Variants in ADAMTS18 observed in about 807,000 individuals in gnomAD.
ADAMTS18 encodes A disintegrin and metalloproteinase with thrombospondin motifs 18.
A neutral mutation model predicts 165.9 loss-of-function variants in ADAMTS18; 157 were observed. That is an observed-to-expected ratio of 0.95 (90% CI 0.83 to 1.08). The LOEUF (loss-of-function observed/expected upper bound fraction) is 1.08. ADAMTS18 is among the 50% of genes least tolerant of loss of function. ADAMTS18 has a pLI of 0.00. For missense variants in ADAMTS18, 2,040 were observed against 1,534.0 expected, an observed-to-expected ratio of 1.33 and a Z score of -5.51; for synonymous variants, 782 against 578.2, an observed-to-expected ratio of 1.35 and a Z score of -5.06.
rs753790220 is a variant in ADAMTS18 at position 77,341,687 on chromosome 16, A to G, written c.1710+17T>C. 1.7e-5 allele frequency: 28 copies of G among 1,603,488 alleles called. 1 individual carries two copies. Among genetic ancestry groups the G allele is most frequent in the Admixed American group, 6.7e-5 (4 of 59,772 alleles). On this transcript the variant is annotated intron_variant, in intron 11 of 22. Transcript: ENST00000282849. ...ATCAAATTTCTGGAGCTAAAAACTA[A>G]CAAGTATGCAGTTTACCATACTCAA... is the stretch of plus-strand genomic sequence containing the variant.
chr16:77,345,885 C>T (rs1397074985), intron 10 of ADAMTS18, among the ~76,000 whole-genome samples: 1 of 152,142 alleles, frequency 6.6e-6, no homozygotes, highest in Non-Finnish European at 1.5e-5. Context: ...CTTGTCAATT[C>T]ATCACGAGAA....
Position 77,431,232 on chromosome 16 carries a change from C to T in ADAMTS18, c.495+63G>A, listed in dbSNP as rs540515641. Reference sequence around the variant, plus strand: ...GGAAGAGCATTTATATTGCAGACATCTGTTCATTCAAGTTACACAAAACAC... The same window carrying T: ...GGAAGAGCATTTATATTGCAGACATTTGTTCATTCAAGTTACACAAAACAC... On this transcript the variant is annotated intron_variant, in intron 3 of 22. Coordinates refer to ENST00000282849, the MANE Select transcript of ADAMTS18 (RefSeq NM_199355.4). 6.4e-4 allele frequency: 995 copies of T among 1,564,320 alleles called. 4 individuals are homozygous for T. The highest frequency in any genetic ancestry group is 4.1e-3 in the South Asian group (372 of 89,848).
Position 77,293,212 on chromosome 16 carries a change from C to G in ADAMTS18, c.3053G>C (p.Cys1018Ser). ...GAGGGTTTCTGCGGCAGAGCCCTTG[C>G]AGAGGAGTTCACGCTTCCTCACCCC... The part of the protein sequence containing the change: ...GRGVRKRELL[C>S]KGSAAETLPE... Residue 1018 changes from cysteine (C) to serine (S), a missense_variant, in exon 20 of 23, where the codon TGC becomes TCC. Transcript: ENST00000282849. 1 of 1,613,944 alleles carries G rather than the reference C, an allele frequency of 6.2e-7. No homozygotes were observed. The highest frequency in any genetic ancestry group is 8.5e-7 in the Non-Finnish European group (1 of 1,179,984).
At chr16:77,302,440 A>G (rs183565834) in intron 16 of ADAMTS18, among the ~76,000 whole-genome samples, 50 of 152,324 alleles carry the variant, frequency 3.3e-4, no homozygotes, top group Non-Finnish European at 8.8e-5. Flanking sequence ...TGCAATGCAT[A>G]AGAGTTACAG....
chr16:77,288,503 G>T lies in ADAMTS18; in HGVS notation c.3550+761C>A, dbSNP rs181635823. Among the ~76,000 whole-genome samples, 16 of 152,142 alleles carry T rather than the reference G, an allele frequency of 1.1e-4. No individual in the cohort carries two copies. The East Asian group carries it at 2.7e-3, about 26-fold the overall frequency. ...AGATTACTTCAAATAGTGAAGAATGGTACAGTTTACTCAGACTTTCCATTT... is the reference window on the plus strand; with the variant it reads ...AGATTACTTCAAATAGTGAAGAATGTTACAGTTTACTCAGACTTTCCATTT... On this transcript the variant is annotated intron_variant, in intron 22 of 22. Transcript: ENST00000282849.
chr16:77,411,419 A>G (rs1273969193), intron 3 of ADAMTS18, among the ~76,000 whole-genome samples: 2 of 152,206 alleles, frequency 1.3e-5, no homozygotes, highest in Non-Finnish European at 2.9e-5. Context: ...CGCTTGAGAC[A>G]TATTTCATGA....
At chr16:77,350,324 A>C (rs190901716) in intron 10 of ADAMTS18, among the ~76,000 whole-genome samples, 2 of 152,296 alleles carry the variant, frequency 1.3e-5, no homozygotes, top group African/African-American at 4.8e-5. Flanking sequence ...TGAGTGATCC[A>C]AAAGAGCCAG....
At chr16:77,401,662 G>C (rs1183261458) in intron 3 of ADAMTS18, among the ~76,000 whole-genome samples, 1 of 152,192 alleles carries the variant, frequency 6.6e-6, no homozygotes, top group African/African-American at 2.4e-5. Flanking sequence ...ATTTCTGGGT[G>C]TGTCTATGAG....
intron 16 of ADAMTS18, among the ~76,000 whole-genome samples, chr16:77,309,540 G>A (rs74392888): frequency 0.24 from 35,736 of 151,902 alleles, 4,856 homozygotes; most frequent in East Asian, 0.62. Flanking sequence ...TTTAAAATTG[G>A]ACTGGCATGT....
intron 3 of ADAMTS18, among the ~76,000 whole-genome samples, chr16:77,378,350 C>CA (rs142010133): frequency 4.7e-4 from 50 of 105,612 alleles, no homozygotes; most frequent in South Asian, 1.8e-3. Flanking sequence ...CAAAAAAAAA[C>CA]AAAAAAAAAA....
intron 3 of ADAMTS18, among the ~76,000 whole-genome samples, chr16:77,406,418 C>T (rs936455274): frequency 1.3e-5 from 2 of 151,982 alleles, no homozygotes; most frequent in African/African-American, 4.8e-5. Flanking sequence ...TCCAAGATCA[C>T]GATTGAAACA....
At chr16:77,346,590 T>C (rs567906242) in intron 10 of ADAMTS18, among the ~76,000 whole-genome samples, 56 of 152,314 alleles carry the variant, frequency 3.7e-4, no homozygotes, top group African/African-American at 1.3e-3. Context: ...AAAGTATGAC[T>C]ATCTCCTCAA....
intron 14 of ADAMTS18, among the ~76,000 whole-genome samples, chr16:77,321,881 C>T (rs1198054124): frequency 1.3e-5 from 2 of 151,834 alleles, no homozygotes; most frequent in African/African-American, 2.4e-5. Flanking sequence ...CTCGGCCAGG[C>T]GTGGTGGCTC....
Position 77,332,451 on chromosome 16 carries a change from T to A in ADAMTS18, c.1859+3305A>T, listed in dbSNP as rs528196815. ...TGAATGCCCACTGAATGTTCCCCAGTCTGTCAGGCATTCTAAAGATGCAAT... is the reference window on the plus strand; with the variant it reads ...TGAATGCCCACTGAATGTTCCCCAGACTGTCAGGCATTCTAAAGATGCAAT... On this transcript the variant is annotated intron_variant, in intron 12 of 22. Coordinates refer to ENST00000282849, the MANE Select transcript of ADAMTS18 (RefSeq NM_199355.4). 3.5e-4 allele frequency among the ~76,000 whole-genome samples: 53 copies of A among 152,224 alleles called. 2 individuals carry two copies. The South Asian group carries it at 0.011, about 31-fold the overall frequency.
intron 3 of ADAMTS18, among the ~76,000 whole-genome samples, chr16:77,388,236 A>C (rs1567533354): frequency 6.6e-6 from 1 of 152,082 alleles, no homozygotes; most frequent in East Asian, 1.9e-4. Flanking sequence ...AGTCGCTGAG[A>C]TTATAGGTCC....
intron 7 of ADAMTS18, among the ~76,000 whole-genome samples, chr16:77,361,558 T>C (rs1453109830): frequency 6.6e-6 from 1 of 152,114 alleles, no homozygotes; most frequent in Non-Finnish European, 1.5e-5. Context: ...ATAATGTATC[T>C]CACACCTCAA....
chr16:77,313,731 T>C (rs971816238), intron 16 of ADAMTS18, among the ~76,000 whole-genome samples: 1 of 152,198 alleles, frequency 6.6e-6, no homozygotes, highest in Admixed American at 6.5e-5. Context: ...ACTTGGTTTG[T>C]GTACATTTGC....
rs1260283632 is a variant in ADAMTS18, at chr16:77,434,855, C to T, written c.-160G>A. Reference sequence around the variant, plus strand: ...TCGCAGCGGGGGCGCGCTGGGACCTCCCCTCCTCCGGCCGCCTGCGCGCCC... The same window carrying T: ...TCGCAGCGGGGGCGCGCTGGGACCTTCCCTCCTCCGGCCGCCTGCGCGCCC... On this transcript the variant is annotated 5_prime_UTR_variant, in exon 1 of 23. Coordinates refer to ENST00000282849, the MANE Select transcript of ADAMTS18 (RefSeq NM_199355.4). The T allele has an allele frequency of 1.5e-5, 8 of 533,750 alleles. No individual in the cohort carries two copies. Among genetic ancestry groups the T allele is most frequent in the Admixed American group, 9.2e-5 (2 of 21,746 alleles). The allele number at this position is 533,750 out of a possible 1,614,324, so 33.1% of individuals were successfully genotyped here.
In ADAMTS18 at chr16:77,293,216, G is replaced by C. The variant is rs771451726; in HGVS notation, c.3049C>G (p.Leu1017Val). The change falls in exon 20 of 23, where the codon CTC becomes GTC. Residue 1017 changes from leucine (L) to valine (V), a missense_variant. By Grantham distance (32) the Leu-to-Val change is conservative (BLOSUM62 1). Coordinates refer to ENST00000282849, the MANE Select transcript of ADAMTS18 (RefSeq NM_199355.4). ...CGRGVRKREL[L>V]CKGSAAETLP... ...GTTTCTGCGGCAGAGCCCTTGCAGA[G>C]GAGTTCACGCTTCCTCACCCCTCGT... 2.5e-6 allele frequency: 4 copies of C among 1,613,926 alleles called. No homozygotes were observed. The highest frequency in any genetic ancestry group is 2.5e-6 in the Non-Finnish European group (3 of 1,180,000).
Sources: allele counts gnomAD v4.1 joint callset (sites outside exome capture counted in the v4.1 genomes callset), GRCh38; gene constraint gnomAD v4.1.1; transcripts MANE v1.5; gene names NCBI Gene and HGNC (gene_info 2026-07-23, HGNC 2026-07-21).